The following IQCM variants were observed in gnomAD, a reference collection of about 807,000 sequenced individuals.
IQCM encodes IQ motif containing M.
Under a neutral mutation model 57.6 loss-of-function variants are expected in IQCM, and 45 were observed. The observed-to-expected ratio is 0.78, with a 90% CI of 0.62 to 1.00. IQCM has a LOEUF of 1.00. IQCM is among the 50% of genes least tolerant of loss of function. IQCM has a pLI of 0.00. For synonymous variants in IQCM, 148 were observed against 158.9 expected (o/e 0.93, Z 0.51); for missense variants, 468 against 511.6 (o/e 0.91, Z 0.82).
At chr4:149,567,415 A>C (rs566413961) in intron 9 of IQCM, among the ~76,000 whole-genome samples, 1 of 151,638 alleles carries the variant, frequency 6.6e-6, no homozygotes, top group South Asian at 2.1e-4. Flanking sequence ...AGTGCGATCT[A>C]CTCTCACCAC....
intron 8 of IQCM, 103 bp from the exon 9 acceptor site, chr4:149,588,100 C>A: frequency 4.6e-6 from 2 of 431,944 alleles, no homozygotes; most frequent in South Asian, 2.5e-4. Flanking sequence ...AAGGGAGAAT[C>A]ATTATAATAT....
chr4:149,412,673 T>C (rs113480982), intron 13 of IQCM, among the ~76,000 whole-genome samples: 1 of 152,156 alleles, frequency 6.6e-6, no homozygotes, highest in Non-Finnish European at 1.5e-5. Flanking sequence ...TATGTATAGA[T>C]CTAAATCATA....
chr4:149,441,768 C>G (rs937416820), intron 12 of IQCM, among the ~76,000 whole-genome samples: 3 of 152,124 alleles, frequency 2.0e-5, no homozygotes, highest in Non-Finnish European at 4.4e-5. Flanking sequence ...TGTATAATCC[C>G]ATTCCTATGA....
At chr4:149,658,658 T>A (rs1293869403) in intron 7 of IQCM, among the ~76,000 whole-genome samples, 2 of 152,156 alleles carry the variant, frequency 1.3e-5, no homozygotes, top group Non-Finnish European at 2.9e-5. Context: ...ATTTCTTTAA[T>A]AAGTGTTTTG....
At chr4:149,810,493 AG>A (rs1774472432) in intron 2 of IQCM, among the ~76,000 whole-genome samples, 1 of 151,898 alleles carries the variant, frequency 6.6e-6, no homozygotes, top group Non-Finnish European at 1.5e-5. Flanking sequence ...TCTGTCACCC[AG>A]GCTGGAGTAC....
In IQCM at chr4:149,716,274, G is replaced by A. The variant is rs376165642; in HGVS notation, c.385+16970C>T. On this transcript the variant is annotated intron_variant, in intron 5 of 13. Transcript: ENST00000636793. The stretch of plus-strand genomic sequence containing the variant: ...CCCAAAGTTTGGAGGAGGCCAAGAC[G>A]GCAGGAGGCTGGCACGTCAGCACAG... Among the ~76,000 whole-genome samples, 16 of 152,334 alleles carry A rather than the reference G, an allele frequency of 1.1e-4. No homozygotes were observed. The South Asian group carries it at 1.2e-3, about 12-fold the overall frequency.
chr4:149,761,602 A>G (rs1289786869), intron 2 of IQCM, among the ~76,000 whole-genome samples: 1 of 152,086 alleles, frequency 6.6e-6, no homozygotes, highest in Non-Finnish European at 1.5e-5. Flanking sequence ...ATCTTGTAGT[A>G]TGGTTATTTG....
At chr4:149,700,118 A>T (rs1291010851) in intron 5 of IQCM, among the ~76,000 whole-genome samples, 1 of 152,062 alleles carries the variant, frequency 6.6e-6, no homozygotes, top group East Asian at 1.9e-4. Context: ...GAGCAATCAC[A>T]ATCTGTCTCT....
At chr4:149,546,953 G>A (rs1748503726) in intron 12 of IQCM, among the ~76,000 whole-genome samples, 1 of 152,124 alleles carries the variant, frequency 6.6e-6, no homozygotes, top group Non-Finnish European at 1.5e-5. Context: ...TATGGTTTTA[G>A]GTCTAACATT....
At chr4:149,790,235 T>C in intron 2 of IQCM, 1 of 285,100 alleles carries the variant, frequency 3.5e-6, no homozygotes, top group Non-Finnish European at 7.0e-6. Context: ...TAATGATGCA[T>C]CTGTGAAATT....
chr4:149,663,013 G>T (rs189286543), intron 7 of IQCM, among the ~76,000 whole-genome samples: 65 of 151,860 alleles, frequency 4.3e-4, no homozygotes, highest in African/African-American at 1.5e-3. Context: ...TAGATTGGTG[G>T]TTTTTTTGTG....
At chr4:149,574,782 A>G (rs951913842) in intron 9 of IQCM, among the ~76,000 whole-genome samples, 2 of 151,954 alleles carry the variant, frequency 1.3e-5, no homozygotes, top group African/African-American at 4.8e-5. Flanking sequence ...AGTATTTTGT[A>G]TGCTCCATTT....
intron 9 of IQCM, among the ~76,000 whole-genome samples, chr4:149,573,027 A>C (rs1751310981): frequency 6.6e-6 from 1 of 151,850 alleles, no homozygotes; most frequent in African/African-American, 2.4e-5. Flanking sequence ...ACCCATCCCC[A>C]GTTTCATTAT....
chr4:149,790,191 A>G (rs1772461074), intron 2 of IQCM: 4 of 404,592 alleles, frequency 9.9e-6, no homozygotes, highest in South Asian at 1.1e-4. Flanking sequence ...TGGGAAGAAC[A>G]TGAAGAATAT....
chr4:149,746,829 G>A (rs1413626803), intron 2 of IQCM, among the ~76,000 whole-genome samples: 3 of 152,180 alleles, frequency 2.0e-5, no homozygotes, highest in Non-Finnish European at 2.9e-5. Context: ...ATGGGCAAGA[G>A]TTCGTGCCTC....
At chr4:149,445,981 G>A (rs577477360) in intron 12 of IQCM, among the ~76,000 whole-genome samples, 32 of 151,688 alleles carry the variant, frequency 2.1e-4, no homozygotes, top group African/African-American at 7.2e-4. Context: ...AAAGAATAAC[G>A]TCTACTTCTC....
intron 8 of IQCM, among the ~76,000 whole-genome samples, chr4:149,601,679 T>G (rs1579653852): frequency 6.6e-6 from 1 of 152,302 alleles, no homozygotes; most frequent in African/African-American, 2.4e-5. Context: ...ACTACTACAT[T>G]TTATGAAAGT....
chr4:149,440,343 T>A (rs1211993780), intron 12 of IQCM, among the ~76,000 whole-genome samples: 3 of 151,906 alleles, frequency 2.0e-5, no homozygotes, highest in African/African-American at 7.2e-5. Context: ...AATCGCATCA[T>A]TTTGGTTATT....
chr4:149,353,438 A>G (rs1728713287), intron 13 of IQCM, among the ~76,000 whole-genome samples: 3 of 152,192 alleles, frequency 2.0e-5, no homozygotes, highest in African/African-American at 7.2e-5. Flanking sequence ...CTGGGCATAT[A>G]CCCAAAGGAA....
Sources: allele counts gnomAD v4.1 joint callset (sites outside exome capture counted in the v4.1 genomes callset), GRCh38; gene constraint gnomAD v4.1.1; transcripts MANE v1.5; gene names NCBI Gene and HGNC (gene_info 2026-07-23, HGNC 2026-07-21).